Variants in DPYD observed in about 807,000 individuals in gnomAD.
DPYD encodes dihydropyrimidine dehydrogenase.
In DPYD, 109 loss-of-function variants were observed where a neutral mutation model predicts 116.2. The ratio of observed to expected loss-of-function variants is 0.94; its 90% confidence interval spans 0.80 to 1.10. The LOEUF is 1.10. DPYD is among the 50% of genes least tolerant of loss of function. The pLI, the probability that DPYD is intolerant of heterozygous loss-of-function variation, is 0.00. For missense variants in DPYD, 1,302 were observed against 1,254.5 expected, an observed-to-expected ratio of 1.04 and a Z score of -0.57; for synonymous variants, 440 against 432.0, an observed-to-expected ratio of 1.02 and a Z score of -0.23.
chr1:97,203,396 A>G (rs1659345276), intron 19 of DPYD, among the ~76,000 whole-genome samples: 1 of 148,196 alleles, frequency 6.7e-6, no homozygotes, highest in East Asian at 2.1e-4. Context: ...AATACCAGAT[A>G]GAGTTTGATC....
chr1:97,079,531 C>A (rs1168332426), intron 22 of DPYD, among the ~76,000 whole-genome samples: 1 of 152,036 alleles, frequency 6.6e-6, no homozygotes, highest in African/African-American at 2.4e-5. Context: ...TTTTCCTCTT[C>A]ACACTCTTTG....
chr1:97,543,927 GA>G (rs746726399), intron 12 of DPYD, among the ~76,000 whole-genome samples: 4 of 152,268 alleles, frequency 2.6e-5, no homozygotes, highest in Admixed American at 6.5e-5. Context: ...AGCCAATCCT[GA>G]AGGACAAGTG....
intron 19 of DPYD, among the ~76,000 whole-genome samples, chr1:97,206,318 C>T (rs1373924149): frequency 6.6e-6 from 1 of 151,988 alleles, no homozygotes; most frequent in African/African-American, 2.4e-5. Flanking sequence ...CTTATGATTA[C>T]AGCATTTTGA....
At chr1:97,732,948 G>C (rs1173578152) in intron 4 of DPYD, among the ~76,000 whole-genome samples, 2 of 152,064 alleles carry the variant, frequency 1.3e-5, no homozygotes, top group East Asian at 3.8e-4. Context: ...GAAAATAACT[G>C]TAATGTCAAG....
chr1:97,699,850 C>T (rs1209689274), intron 5 of DPYD, among the ~76,000 whole-genome samples: 1 of 151,910 alleles, frequency 6.6e-6, no homozygotes, highest in African/African-American at 2.4e-5. Context: ...ATCTGTATGT[C>T]TCTAACATAA....
rs530677963 is a variant in DPYD at position 97,554,103 on chromosome 1, A to T, written c.1340-4359T>A. 6.6e-5 allele frequency among the ~76,000 whole-genome samples: 10 copies of T among 152,256 alleles called. 1 individual carries two copies. In the South Asian group the frequency reaches 1.9e-3, roughly 28 times the overall value. On this transcript the variant is annotated intron_variant, in intron 11 of 22. Coordinates refer to ENST00000370192, the MANE Select transcript of DPYD (RefSeq NM_000110.4). ...ATGAAATGATTTTTTATACAGACTT[A>T]ATGGTATTGTGACACACAAGTTCTT...
intron 20 of DPYD, among the ~76,000 whole-genome samples, chr1:97,114,723 T>C (rs1651844444): frequency 6.6e-6 from 1 of 152,050 alleles, no homozygotes. Flanking sequence ...GCCAATAGTC[T>C]GAGGAAAGCA....
intron 16 of DPYD, among the ~76,000 whole-genome samples, chr1:97,357,364 CAG>C (rs1287718939): frequency 6.8e-6 from 1 of 147,956 alleles, no homozygotes; most frequent in Non-Finnish European, 1.5e-5. Context: ...TTAGTTCTAA[CAG>C]TGTTTTTTTT....
chr1:97,138,466 A>T (rs1202305884), intron 20 of DPYD, among the ~76,000 whole-genome samples: 1 of 152,178 alleles, frequency 6.6e-6, no homozygotes, highest in African/African-American at 2.4e-5. Flanking sequence ...AGTAGGGGGC[A>T]TGGTGAGTTC....
At position 97,462,575 on chromosome 1, in the gene DPYD, G is replaced by A. The variant is rs576159969; in HGVS notation, c.1741-12352C>T. 7.2e-5 allele frequency among the ~76,000 whole-genome samples: 11 copies of A among 152,262 alleles called. No homozygotes were observed. The East Asian group carries it at 1.7e-3, about 24-fold the overall frequency. ...CTCCTTTTGAAATTCAGGCATAACT[G>A]TAGGTATTAACATTAAAACAGAGAT... is the stretch of plus-strand genomic sequence containing the variant. On this transcript the variant is annotated intron_variant, in intron 13 of 22. Coordinates refer to ENST00000370192, the MANE Select transcript of DPYD (RefSeq NM_000110.4).
intron 13 of DPYD, among the ~76,000 whole-genome samples, chr1:97,502,452 C>T (rs1013037188): frequency 6.6e-6 from 1 of 151,920 alleles, no homozygotes; most frequent in South Asian, 2.1e-4. Context: ...AGATGAGGAC[C>T]GAGAGACAGG....
chr1:97,665,603 A>T (rs1659513257), intron 8 of DPYD, among the ~76,000 whole-genome samples: 1 of 152,174 alleles, frequency 6.6e-6, no homozygotes, highest in African/African-American at 2.4e-5. Context: ...ACCTAATCAC[A>T]TTATCTTCTA....
chr1:97,868,783 C>G (rs967728320), intron 2 of DPYD, among the ~76,000 whole-genome samples: 1 of 151,740 alleles, frequency 6.6e-6, no homozygotes, highest in Non-Finnish European at 1.5e-5. Context: ...ACAACTTAAT[C>G]GTAATTTTAA....
intron 13 of DPYD, among the ~76,000 whole-genome samples, chr1:97,477,858 G>A (rs1216881376): frequency 6.6e-6 from 1 of 151,946 alleles, no homozygotes; most frequent in East Asian, 1.9e-4. Context: ...CTGACCTCGT[G>A]ATCCACCCGC....
Position 97,689,697 on chromosome 1 carries a change from G to C in DPYD, c.762+2020C>G, listed in dbSNP as rs867162801. Among the ~76,000 whole-genome samples the C allele has an allele frequency of 2.0e-5, 3 of 151,892 alleles. No individual in the cohort carries two copies. The East Asian group carries it at 5.8e-4, about 29-fold the overall frequency. On this transcript the variant is annotated intron_variant, in intron 7 of 22. Transcript: ENST00000370192. The stretch of plus-strand genomic sequence containing the variant: ...ACAAACAGAAGGCAAATTATAAAAA[G>C]AACCTCCGTGATGACTTTTCAAAAG...
At chr1:97,191,193 C>T (rs1557925498) in intron 20 of DPYD, among the ~76,000 whole-genome samples, 1 of 151,360 alleles carries the variant, frequency 6.6e-6, no homozygotes, top group South Asian at 2.1e-4. Context: ...AAAATATAAA[C>T]ATAATAAAAA....
rs140125782 is a variant in DPYD, at chr1:97,515,879, A to G, written c.1587T>C (p.Asp529=). The G allele has an allele frequency of 5.6e-6, 9 of 1,612,958 alleles. No homozygotes were observed. In the African/African-American group the frequency reaches 1.2e-4, roughly 22 times the overall value. Reference sequence around the variant, plus strand: ...CCATTTCTACACTAATGTCCACCAGATCAATAGGAGTGTAAAAGAGGGGTA... The same window carrying G: ...CCATTTCTACACTAATGTCCACCAGGTCAATAGGAGTGTAAAAGAGGGGTA... ...PELPLFYTPI[D]LVDISVEMAG... Residue 529 remains aspartate (D), a synonymous_variant, in exon 13 of 23, where the codon GAT becomes GAC. Coordinates refer to ENST00000370192, the MANE Select transcript of DPYD (RefSeq NM_000110.4).
intron 22 of DPYD, among the ~76,000 whole-genome samples, chr1:97,079,983 A>G (rs1336909110): frequency 6.6e-6 from 1 of 152,006 alleles, no homozygotes; most frequent in Admixed American, 6.6e-5. Context: ...TTAAAAAAAG[A>G]TATGATGATT....
At chr1:97,486,797 CT>C (rs1193712450) in intron 13 of DPYD, among the ~76,000 whole-genome samples, 2 of 151,938 alleles carry the variant, frequency 1.3e-5, no homozygotes, top group African/African-American at 4.8e-5. Flanking sequence ...CACTAGGCTA[CT>C]GAAAAATCCT....
Sources: allele counts gnomAD v4.1 joint callset (sites outside exome capture counted in the v4.1 genomes callset), GRCh38; gene constraint gnomAD v4.1.1; transcripts MANE v1.5; gene names NCBI Gene and HGNC (gene_info 2026-07-23, HGNC 2026-07-21).